YAP1: variants seen among roughly 807,000 people sequenced by gnomAD.
YAP1 encodes transcriptional coactivator YAP1.
Under a neutral mutation model 56.9 loss-of-function variants are expected in YAP1, and 5 were observed. The ratio of observed to expected loss-of-function variants is 0.09; its 90% CI spans 0.05 to 0.18. The LOEUF is 0.18. Ranked by LOEUF, YAP1 falls within the 10% of genes least tolerant of loss-of-function variation. The pLI, the probability that YAP1 is intolerant of heterozygous loss-of-function variation, is 1.00. For missense variants in YAP1, 539 were observed against 651.8 expected (o/e 0.83, Z 1.88); for synonymous variants, 265 against 248.1 (o/e 1.07, Z -0.64).
rs777854867 is a variant in YAP1 at position 102,122,651 on chromosome 11, C to T, written c.572+8257C>T. ...GCTCACGCCTGTAATCCCAGCACTT[C>T]GGAAGGCCAAGGCGGGCGGATCACC... On this transcript the variant is annotated intron_variant, in intron 2 of 8. Transcript: ENST00000282441. Among the ~76,000 whole-genome samples the T allele has an allele frequency of 9.9e-5, 15 of 151,816 alleles. No homozygotes were observed. The South Asian group carries it at 1.2e-3, about 13-fold the overall frequency.
intron 4 of YAP1, among the ~76,000 whole-genome samples, chr11:102,202,955 T>TAGTA (rs1948949152): frequency 6.6e-6 from 1 of 152,186 alleles, no homozygotes; most frequent in African/African-American, 2.4e-5. Context: ...GCATGCTGCA[T>TAGTA]AGTACTATGG....
At position 102,229,998 on chromosome 11, in the gene YAP1, G is replaced by A. The variant is rs1186698405; in HGVS notation, c.*58G>A. 45 of 1,468,200 alleles carry A rather than the reference G, an allele frequency of 3.1e-5. No individual in the cohort carries two copies. The highest frequency in any genetic ancestry group is 1.8e-4 in the Middle Eastern group (1 of 5,650). The allele number at this position is 1,468,200 out of a possible 1,614,324, so 90.9% of individuals were successfully genotyped here. ...AAGGATCTAAGGAGACACATGCACCGGAAATTTCCATAAGCCAGTTGCAGT... is the reference window on the plus strand; with the variant it reads ...AAGGATCTAAGGAGACACATGCACCAGAAATTTCCATAAGCCAGTTGCAGT... On this transcript the variant is annotated 3_prime_UTR_variant, in exon 9 of 9. Coordinates refer to ENST00000282441, the MANE Select transcript of YAP1 (RefSeq NM_001130145.3).
chr11:102,196,681 T>C (rs1171780797), intron 4 of YAP1, among the ~76,000 whole-genome samples: 1 of 150,850 alleles, frequency 6.6e-6, no homozygotes, highest in African/African-American at 2.4e-5. Context: ...ATCGTGGCAA[T>C]GGGTGTACAA....
At chr11:102,223,158 G>C (rs1320030683) in intron 6 of YAP1, among the ~76,000 whole-genome samples, 1 of 150,160 alleles carries the variant, frequency 6.7e-6, no homozygotes, top group East Asian at 2.0e-4. Context: ...TGAGGCAGGA[G>C]AATCACTTGA....
chr11:102,197,336 T>C (rs887424739), intron 4 of YAP1, among the ~76,000 whole-genome samples: 5 of 152,214 alleles, frequency 3.3e-5, no homozygotes, highest in Non-Finnish European at 5.9e-5. Flanking sequence ...TTATTGTAAA[T>C]GTATACCCAG....
At chr11:102,145,679 G>T (rs987281938) in intron 2 of YAP1, among the ~76,000 whole-genome samples, 3 of 152,188 alleles carry the variant, frequency 2.0e-5, no homozygotes, top group Non-Finnish European at 2.9e-5. Context: ...AATGTTGACT[G>T]TATTTTATAA....
At chr11:102,133,035 G>T (rs370775781) in intron 2 of YAP1, among the ~76,000 whole-genome samples, 1 of 152,020 alleles carries the variant, frequency 6.6e-6, no homozygotes, top group African/African-American at 2.4e-5. Flanking sequence ...GTGCTTGCCT[G>T]TAATCCCAGC....
chr11:102,209,410 G>A (rs1949283123), intron 5 of YAP1, 107 bp from the exon 6 acceptor site: 2 of 1,001,936 alleles, frequency 2.0e-6, no homozygotes, highest in Admixed American at 5.1e-5. Context: ...GGTAGCTTGG[G>A]AATTCTGTGC....
At chr11:102,205,671 C>T (rs774769642) in intron 4 of YAP1, among the ~76,000 whole-genome samples, 9 of 151,082 alleles carry the variant, frequency 6.0e-5, no homozygotes, top group South Asian at 2.1e-4. Flanking sequence ...GTTAAAACTA[C>T]GTCTTGTTTC....
chr11:102,156,444 C>G (rs1274191134), intron 2 of YAP1, among the ~76,000 whole-genome samples: 1 of 152,198 alleles, frequency 6.6e-6, no homozygotes. Context: ...TTGAAAAACA[C>G]TTACAGCAGA....
chr11:102,126,537 C>T (rs1944045945), intron 2 of YAP1, among the ~76,000 whole-genome samples: 1 of 152,162 alleles, frequency 6.6e-6, no homozygotes. Context: ...TAAGAAGTGC[C>T]TCTCACCTCC....
chr11:102,130,126 T>TA (rs1227434568), intron 2 of YAP1, among the ~76,000 whole-genome samples: 1 of 152,022 alleles, frequency 6.6e-6, no homozygotes, highest in Non-Finnish European at 1.5e-5. Context: ...GAGCACCATA[T>TA]AGCAGTCAGA....
Position 102,144,855 on chromosome 11 carries a change from AAC to A in YAP1, c.573-17579_573-17578del, listed in dbSNP as rs565769543. On this transcript the variant is annotated intron_variant, in intron 2 of 8. Transcript: ENST00000282441. Reference sequence around the variant, plus strand: ...ATTCATTTATCCTACCTTTGGCCAAAACACACACACACACACACACACATACA... The same window carrying A: ...ATTCATTTATCCTACCTTTGGCCAAAACACACACACACACACACACATACA... Among the ~76,000 whole-genome samples, 347 of 100,682 alleles carry A rather than the reference AAC, an allele frequency of 3.4e-3. 1 individual carries two copies. Among genetic ancestry groups the A allele is most frequent in the African/African-American group, 8.1e-3 (285 of 35,272 alleles). The allele number at this position is 100,682 out of a possible 152,430, so 66.1% of individuals were successfully genotyped here.
intron 3 of YAP1, among the ~76,000 whole-genome samples, chr11:102,183,263 A>G (rs1417474404): frequency 1.3e-5 from 2 of 152,218 alleles, no homozygotes; most frequent in Non-Finnish European, 2.9e-5. Context: ...CGGCATATAC[A>G]AGGAGATGGC....
At chr11:102,208,612 T>A (rs944905020) in intron 5 of YAP1, among the ~76,000 whole-genome samples, 1 of 152,182 alleles carries the variant, frequency 6.6e-6, no homozygotes, top group African/African-American at 2.4e-5. Context: ...ATCAAAAATA[T>A]AATTACATGG....
chr11:102,198,295 T>A (rs1948673070), intron 4 of YAP1, among the ~76,000 whole-genome samples: 1 of 152,240 alleles, frequency 6.6e-6, no homozygotes, highest in African/African-American at 2.4e-5. Flanking sequence ...CAGTTTGTTG[T>A]CAGCATTGGC....
intron 6 of YAP1, among the ~76,000 whole-genome samples, chr11:102,214,484 C>T (rs1949566623): frequency 6.6e-6 from 1 of 152,104 alleles, no homozygotes; most frequent in Non-Finnish European, 1.5e-5. Flanking sequence ...AAACAATTGC[C>T]AACAACCATT....
intron 3 of YAP1, among the ~76,000 whole-genome samples, chr11:102,175,937 C>T (rs539034004): frequency 2.6e-5 from 4 of 152,162 alleles, no homozygotes; most frequent in Non-Finnish European, 4.4e-5. Flanking sequence ...ATTTCCATTG[C>T]GTCTGCCTAA....
intron 8 of YAP1, among the ~76,000 whole-genome samples, chr11:102,227,867 A>C (rs1312332144): frequency 6.6e-6 from 1 of 151,972 alleles, no homozygotes; most frequent in East Asian, 1.9e-4. Flanking sequence ...CCAGGAGTTC[A>C]AGACCAGTCT....
Sources: gnomAD v4.1 joint callset for allele counts (sites outside exome capture counted in the v4.1 genomes callset) on GRCh38, gnomAD v4.1.1 for gene constraint, MANE v1.5 for transcripts, NCBI Gene and HGNC (gene_info 2026-07-23, HGNC 2026-07-21) for gene names.